ATXN7L1: variants seen among roughly 807,000 people sequenced by gnomAD.
ATXN7L1 encodes the protein ataxin 7 like 1.
A neutral mutation model predicts 70.8 loss-of-function variants in ATXN7L1; 15 were observed. The ratio of observed to expected loss-of-function variants is 0.21; its 90% confidence interval spans 0.14 to 0.33. The LOEUF is 0.33. Among genes scored for constraint, ATXN7L1 ranks in the 10% least tolerant of loss-of-function variants. The probability of loss-of-function intolerance (pLI) is 1.00; values close to 1 mark genes in which losing one functional copy is unlikely to be tolerated. For missense variants in ATXN7L1, 975 were observed against 1,097.1 expected, an observed-to-expected ratio of 0.89 and a Z score of 1.57; for synonymous variants, 440 against 445.1, an observed-to-expected ratio of 0.99 and a Z score of 0.14.
chr7:105,814,198 C>T (rs770769814), intron 2 of ATXN7L1, among the ~76,000 whole-genome samples: 1 of 152,192 alleles, frequency 6.6e-6, no homozygotes, highest in Non-Finnish European at 1.5e-5. Context: ...TTCTCTTACT[C>T]GGCCTCCAAT....
In ATXN7L1 at chr7:105,626,979, G is replaced by A. The variant is rs149149305; in HGVS notation, c.1203-2712C>T. On this transcript the variant is annotated intron_variant, in intron 7 of 11. Coordinates refer to ENST00000419735, the MANE Select transcript of ATXN7L1 (RefSeq NM_020725.2). ...AAAAACCTAGTGATGTTGTGGACGTGTTTCCATATATAGAACTATATCATT... is the reference window on the plus strand; with the variant it reads ...AAAAACCTAGTGATGTTGTGGACGTATTTCCATATATAGAACTATATCATT... 2.8e-4 allele frequency among the ~76,000 whole-genome samples: 42 copies of A among 152,284 alleles called. 1 individual carries two copies. The East Asian group carries it at 7.7e-3, about 28-fold the overall frequency.
intron 3 of ATXN7L1, among the ~76,000 whole-genome samples, chr7:105,693,167 T>C (rs1037059282): frequency 3.3e-5 from 5 of 152,034 alleles, no homozygotes; most frequent in African/African-American, 9.7e-5. Flanking sequence ...AGAACCTGGG[T>C]GTGGACGTAA....
At chr7:105,721,645 C>T (rs1011771568) in intron 3 of ATXN7L1, among the ~76,000 whole-genome samples, 7 of 152,290 alleles carry the variant, frequency 4.6e-5, no homozygotes, top group Middle Eastern at 3.4e-3. Flanking sequence ...TTTGTGACCT[C>T]GTTTTGTAAA....
chr7:105,712,343 C>A (rs1794030417), intron 3 of ATXN7L1, among the ~76,000 whole-genome samples: 1 of 152,262 alleles, frequency 6.6e-6, no homozygotes, highest in Non-Finnish European at 1.5e-5. Context: ...ATGCAAATTT[C>A]TGCAGCAGGC....
intron 3 of ATXN7L1, among the ~76,000 whole-genome samples, chr7:105,682,602 A>G (rs528176917): frequency 7.2e-5 from 11 of 152,386 alleles, no homozygotes; most frequent in Admixed American, 2.0e-4. Context: ...CTCAGCCATA[A>G]GAAGGAATGA....
At chr7:105,830,654 A>C (rs1811475630) in intron 2 of ATXN7L1, among the ~76,000 whole-genome samples, 1 of 152,288 alleles carries the variant, frequency 6.6e-6, no homozygotes, top group African/African-American at 2.4e-5. Flanking sequence ...TTCCCATCCC[A>C]GGGCTCTTAA....
Position 105,731,591 on chromosome 7 carries a change from C to G in ATXN7L1, c.355+57013G>C, listed in dbSNP as rs187807399. Among the ~76,000 whole-genome samples the G allele has an allele frequency of 2.5e-3, 380 of 151,450 alleles. 1 individual carries two copies. Among genetic ancestry groups the G allele is most frequent in the Admixed American group, 6.2e-3 (94 of 15,208 alleles). On this transcript the variant is annotated intron_variant, in intron 3 of 11. Transcript: ENST00000419735. The stretch of plus-strand genomic sequence containing the variant: ...CTGGGATTACATGCACCCACCACCA[C>G]GCCCGGCTAATTTTTTTATTTTTTA...
intron 2 of ATXN7L1, among the ~76,000 whole-genome samples, chr7:105,809,964 G>A (rs1808191222): frequency 6.6e-6 from 1 of 152,124 alleles, no homozygotes; most frequent in Non-Finnish European, 1.5e-5. Flanking sequence ...TAGAGACGAG[G>A]TCTCACTATG....
chr7:105,839,156 C>T (rs939490004), intron 2 of ATXN7L1, among the ~76,000 whole-genome samples: 3 of 151,664 alleles, frequency 2.0e-5, no homozygotes, highest in African/African-American at 7.3e-5. Flanking sequence ...TTTCCTTTTA[C>T]AAAGGCCAAA....
At chr7:105,700,508 C>CAAAAAAA (rs1186998293) in intron 3 of ATXN7L1, among the ~76,000 whole-genome samples, 2 of 49,806 alleles carry the variant, frequency 4.0e-5, no homozygotes, top group Admixed American at 2.7e-4. Context: ...GACTCTGTCT[C>CAAAAAAA]AAAAAAAAAA....
chr7:105,670,251 A>G (rs1322420832), intron 3 of ATXN7L1, among the ~76,000 whole-genome samples: 1 of 152,180 alleles, frequency 6.6e-6, no homozygotes, highest in Non-Finnish European at 1.5e-5. Context: ...GTACATTACA[A>G]TCATTCAGAT....
chr7:105,733,516 A>ATT (rs1796827778), intron 3 of ATXN7L1, among the ~76,000 whole-genome samples: 1 of 101,870 alleles, frequency 9.8e-6, no homozygotes. Flanking sequence ...CCATCCATCC[A>ATT]CCCATCCATC....
chr7:105,749,886 C>T (rs912161457), intron 3 of ATXN7L1, among the ~76,000 whole-genome samples: 30 of 151,978 alleles, frequency 2.0e-4, no homozygotes, highest in African/African-American at 1.2e-4. Context: ...CCAAACCCAC[C>T]GTTGAGGATC....
chr7:105,708,636 T>C (rs1793481381), intron 3 of ATXN7L1, among the ~76,000 whole-genome samples: 1 of 152,244 alleles, frequency 6.6e-6, no homozygotes, highest in Admixed American at 6.5e-5. Context: ...AGGTGTTAAG[T>C]TCCTTCCTTT....
Position 105,788,603 on chromosome 7 carries a change from C to A in ATXN7L1, c.355+1G>T. On this transcript the variant is annotated splice_donor_variant, in intron 3 of 11. Transcript: ENST00000419735. LOFTEE classifies it high-confidence loss of function. ...GGCCGACGGTGCAGGGGTCCACTTA[C>A]CGCAGTGCGACTGGAAAACCTGTGG... is the stretch of plus-strand genomic sequence containing the variant. 1 of 1,606,842 alleles carries A rather than the reference C, an allele frequency of 6.2e-7. No homozygotes were observed. Among genetic ancestry groups the A allele is most frequent in the Non-Finnish European group, 8.5e-7 (1 of 1,173,354 alleles).
chr7:105,840,383 C>G (rs909440104), intron 2 of ATXN7L1, among the ~76,000 whole-genome samples: 30 of 152,164 alleles, frequency 2.0e-4, no homozygotes, highest in African/African-American at 6.5e-4. Flanking sequence ...GGGGCCAGAG[C>G]AGAAGTGCTT....
intron 3 of ATXN7L1, among the ~76,000 whole-genome samples, chr7:105,773,401 C>T (rs979608299): frequency 3.3e-5 from 5 of 152,180 alleles, no homozygotes; most frequent in Non-Finnish European, 5.9e-5. Flanking sequence ...TCTCTTTCTG[C>T]TCGCCAGTGC....
At chr7:105,810,520 T>C (rs17152163) in intron 2 of ATXN7L1, among the ~76,000 whole-genome samples, 1 of 152,104 alleles carries the variant, frequency 6.6e-6, no homozygotes, top group Non-Finnish European at 1.5e-5. Context: ...AGGGTGCCAC[T>C]GAGAAGGTGA....
intron 3 of ATXN7L1, among the ~76,000 whole-genome samples, chr7:105,699,413 T>A (rs1792162300): frequency 6.6e-6 from 1 of 152,262 alleles, no homozygotes; most frequent in Non-Finnish European, 1.5e-5. Context: ...ATTACAGGCA[T>A]GAGCCATCAT....
Sources: gnomAD v4.1 joint callset for allele counts (sites outside exome capture counted in the v4.1 genomes callset) on GRCh38, gnomAD v4.1.1 for gene constraint, MANE v1.5 for transcripts, NCBI Gene and HGNC (gene_info 2026-07-23, HGNC 2026-07-21) for gene names.